The following BLTP3A variants were observed in gnomAD, a reference collection of about 807,000 sequenced individuals.
BLTP3A encodes bridge-like lipid transfer protein family member 3A.
the BLTP3A span, among the ~76,000 whole-genome samples, chr6:34,817,722 C>A: frequency 2.6e-5 from 4 of 152,158 alleles, no homozygotes; most frequent in Non-Finnish European, 5.9e-5. Flanking sequence ...CAGGCCTGTT[C>A]TTTGTCCTAG....
At chr6:34,801,862 G>T in the BLTP3A span, among the ~76,000 whole-genome samples, 4 of 151,782 alleles carry the variant, frequency 2.6e-5, no homozygotes, top group African/African-American at 7.3e-5. Flanking sequence ...CTCAGTCTCC[G>T]GAGTAGCTGG....
At chr6:34,807,268 G>A in the BLTP3A span, among the ~76,000 whole-genome samples, 1 of 152,124 alleles carries the variant, frequency 6.6e-6, no homozygotes, top group African/African-American at 2.4e-5. Flanking sequence ...ACTAGTGTAG[G>A]GAAAGAATTT....
chr6:34,861,904 G>C, the BLTP3A span, among the ~76,000 whole-genome samples: 1 of 152,050 alleles, frequency 6.6e-6, no homozygotes, highest in East Asian at 1.9e-4. Flanking sequence ...ATTTTTAATT[G>C]CTCCATTATA....
the BLTP3A span, chr6:34,872,571 C>A: frequency 8.6e-7 from 1 of 1,166,108 alleles, no homozygotes; most frequent in Non-Finnish European, 1.2e-6. Context: ...ACTCACTTCA[C>A]TTGTGTGGGT....
At chr6:34,851,310 A>G in the BLTP3A span, among the ~76,000 whole-genome samples, 1 of 152,118 alleles carries the variant, frequency 6.6e-6, no homozygotes, top group Non-Finnish European at 1.5e-5. Flanking sequence ...TTCAAAAGGA[A>G]TTGAGTATTG....
the BLTP3A span, among the ~76,000 whole-genome samples, chr6:34,838,859 T>C: frequency 6.6e-6 from 1 of 152,082 alleles, no homozygotes; most frequent in Non-Finnish European, 1.5e-5. Flanking sequence ...GAGGATCGCT[T>C]GGCAGAGGTT....
chr6:34,795,370 G>A, the BLTP3A span, among the ~76,000 whole-genome samples: 11 of 151,540 alleles, frequency 7.3e-5, no homozygotes, highest in African/African-American at 2.7e-4. Context: ...GAGCCACTGC[G>A]CCCAGCCTGA....
the BLTP3A span, among the ~76,000 whole-genome samples, chr6:34,817,603 A>G: frequency 1.3e-5 from 2 of 152,320 alleles, no homozygotes; most frequent in South Asian, 4.1e-4. Context: ...CCTTGCCTCC[A>G]GAGTCCTGTG....
At chr6:34,831,708 A>G in the BLTP3A span, among the ~76,000 whole-genome samples, 1 of 152,168 alleles carries the variant, frequency 6.6e-6, no homozygotes, top group East Asian at 1.9e-4. Flanking sequence ...ATATCTGCAA[A>G]CTGACCATGC....
At chr6:34,852,008 C>T in the BLTP3A span, among the ~76,000 whole-genome samples, 1 of 152,076 alleles carries the variant, frequency 6.6e-6, no homozygotes, top group Non-Finnish European at 1.5e-5. Context: ...CTGGGTCTCT[C>T]CTTTCAAGGC....
At chr6:34,845,546 A>G in the BLTP3A span, among the ~76,000 whole-genome samples, 2 of 151,892 alleles carry the variant, frequency 1.3e-5, no homozygotes. Flanking sequence ...AGCCTCCTGA[A>G]TAGCTGGGAC....
the BLTP3A span, chr6:34,835,567 T>C: frequency 7.6e-7 from 1 of 1,322,514 alleles, no homozygotes; most frequent in Non-Finnish European, 1.0e-6. Context: ...GGGAAATTTG[T>C]CATTTACTTC....
the BLTP3A span, chr6:34,857,957 ACAG>A: frequency 1.9e-6 from 3 of 1,595,572 alleles, no homozygotes; most frequent in Non-Finnish European, 2.6e-6. Context: ...GTTAGTAGCC[ACAG>A]CTGCATTTTT....
At chr6:34,822,996 T>G in the BLTP3A span, among the ~76,000 whole-genome samples, 5 of 152,186 alleles carry the variant, frequency 3.3e-5, no homozygotes, top group Non-Finnish European at 7.4e-5. Flanking sequence ...GATTTGTGTT[T>G]TATCTTTTTG....
chr6:34,828,856 T>A, the BLTP3A span, among the ~76,000 whole-genome samples: 1 of 151,738 alleles, frequency 6.6e-6, no homozygotes. Context: ...GGAGAAACTC[T>A]ATCTTTACTA....
chr6:34,826,886 C>T, the BLTP3A span, among the ~76,000 whole-genome samples: 3 of 152,286 alleles, frequency 2.0e-5, no homozygotes, highest in East Asian at 5.8e-4. Context: ...TCAGACATCT[C>T]TCCAAGGAGC....
chr6:34,874,024 G>A, the BLTP3A span: 1 of 152,134 alleles, frequency 6.6e-6, no homozygotes, highest in Non-Finnish European at 1.5e-5. Context: ...AGTTACTATG[G>A]GATGGTGGGA....
the BLTP3A span, among the ~76,000 whole-genome samples, chr6:34,844,293 T>C: frequency 1.3e-5 from 2 of 152,116 alleles, no homozygotes; most frequent in Non-Finnish European, 2.9e-5. Context: ...GGTTTGTTTT[T>C]GAGACAGAGT....
At chr6:34,839,199 G>A in the BLTP3A span, among the ~76,000 whole-genome samples, 2 of 151,954 alleles carry the variant, frequency 1.3e-5, no homozygotes, top group African/African-American at 2.4e-5. Context: ...GCAGTGAGCC[G>A]AGATGGCGCC....
Sources: gnomAD v4.1 joint callset for allele counts (sites outside exome capture counted in the v4.1 genomes callset) on GRCh38, gnomAD v4.1.1 for gene constraint, MANE v1.5 for transcripts, NCBI Gene and HGNC (gene_info 2026-07-23, HGNC 2026-07-21) for gene names.